The following CABCOCO1 variants were observed in gnomAD, a reference collection of about 807,000 sequenced individuals.
CABCOCO1 encodes ciliary associated calcium binding coiled-coil 1, also known as ciliary-associated calcium-binding coiled-coil protein 1.
A neutral mutation model predicts 35.7 loss-of-function variants in CABCOCO1; 28 were observed. The observed-to-expected ratio is 0.78, with a 90% CI of 0.58 to 1.07. CABCOCO1 has a LOEUF of 1.07. CABCOCO1 is among the 50% of genes least tolerant of loss of function. The pLI is 0.00. For missense variants in CABCOCO1, 326 were observed against 309.2 expected (o/e 1.05, Z -0.41); for synonymous variants, 95 against 100.1 (o/e 0.95, Z 0.30).
chr10:61,714,169 T>C (rs1175871811), intron 5 of CABCOCO1, among the ~76,000 whole-genome samples: 2 of 152,226 alleles, frequency 1.3e-5, no homozygotes, highest in African/African-American at 2.4e-5. Flanking sequence ...AGGCTACTAA[T>C]TATTGCCTCA....
At chr10:61,665,246 T>C (rs564550879) in intron 1 of CABCOCO1, among the ~76,000 whole-genome samples, 1 of 152,332 alleles carries the variant, frequency 6.6e-6, no homozygotes, top group South Asian at 2.1e-4. Flanking sequence ...ATCTACTCTA[T>C]GAATTACTCT....
intron 5 of CABCOCO1, among the ~76,000 whole-genome samples, chr10:61,706,835 G>C (rs1453495848): frequency 6.6e-6 from 1 of 151,996 alleles, no homozygotes; most frequent in African/African-American, 2.4e-5. Context: ...TATAGTTTCT[G>C]TCCTGTCTAT....
chr10:61,727,137 C>T (rs1431065308), intron 5 of CABCOCO1, among the ~76,000 whole-genome samples: 1 of 152,080 alleles, frequency 6.6e-6, no homozygotes, highest in East Asian at 1.9e-4. Context: ...AGATTATAAA[C>T]TTCTTGAAGG....
chr10:61,748,079 A>G (rs1273416991), intron 5 of CABCOCO1, among the ~76,000 whole-genome samples: 1 of 152,142 alleles, frequency 6.6e-6, no homozygotes, highest in Non-Finnish European at 1.5e-5. Flanking sequence ...GGAAAAGCCA[A>G]GGAGCAGGAC....
intron 5 of CABCOCO1, among the ~76,000 whole-genome samples, chr10:61,700,094 C>T: frequency 6.6e-6 from 1 of 152,062 alleles, no homozygotes. Flanking sequence ...TGGAATAACA[C>T]ATGTCTATAT....
chr10:61,735,379 A>G (rs1841393321), intron 5 of CABCOCO1, among the ~76,000 whole-genome samples: 2 of 152,074 alleles, frequency 1.3e-5, no homozygotes, highest in Non-Finnish European at 2.9e-5. Context: ...GAAATCAACT[A>G]AGAAGAGGTA....
chr10:61,705,726 A>T (rs1190958502), intron 5 of CABCOCO1, among the ~76,000 whole-genome samples: 3 of 152,248 alleles, frequency 2.0e-5, no homozygotes, highest in Non-Finnish European at 4.4e-5. Context: ...CTAGGCAAAC[A>T]TGTAGTGCAA....
chr10:61,665,658 C>A (rs1052927256), intron 1 of CABCOCO1, among the ~76,000 whole-genome samples: 36 of 151,948 alleles, frequency 2.4e-4, no homozygotes, highest in African/African-American at 8.2e-4. Context: ...GAGGCCGAGG[C>A]GGGCGGATCA....
chr10:61,667,146 A>G (rs10994866), intron 1 of CABCOCO1, among the ~76,000 whole-genome samples: 21,226 of 144,582 alleles, frequency 0.15, 2,433 homozygotes, highest in East Asian at 0.59. Flanking sequence ...ATATGTATAT[A>G]TAAATATAAT....
In CABCOCO1 at chr10:61,686,057, A is replaced by G; in HGVS notation, c.351A>G (p.Leu117=). 1 of 1,604,642 alleles carries G rather than the reference A, an allele frequency of 6.2e-7. No homozygotes were observed. The highest frequency in any genetic ancestry group is 8.5e-7 in the Non-Finnish European group (1 of 1,177,546). Reference sequence around the variant, plus strand: ...TTATTTCAGCACTACATATGTCCTTAGAGGAAAGCATAAAATGGCTTGGAG... The same window carrying G: ...TTATTTCAGCACTACATATGTCCTTGGAGGAAAGCATAAAATGGCTTGGAG... ...LQNLKTLHMS[L]EESIKWLGEV... Residue 117 remains leucine (L), a synonymous_variant, in exon 4 of 8, where the codon TTA becomes TTG. Coordinates refer to ENST00000648843, the MANE Select transcript of CABCOCO1 (RefSeq NM_001366906.2).
At chr10:61,674,679 G>A (rs1428762829) in intron 2 of CABCOCO1, among the ~76,000 whole-genome samples, 1 of 152,090 alleles carries the variant, frequency 6.6e-6, no homozygotes, top group Non-Finnish European at 1.5e-5. Flanking sequence ...GAAGAAATCA[G>A]CACATTTCCC....
At chr10:61,731,519 C>T (rs1208530441) in intron 5 of CABCOCO1, among the ~76,000 whole-genome samples, 1 of 151,808 alleles carries the variant, frequency 6.6e-6, no homozygotes, top group East Asian at 1.9e-4. Context: ...CATATTTCAC[C>T]TTCTCATTTT....
chr10:61,761,591 T>C (rs1456567707), intron 7 of CABCOCO1, among the ~76,000 whole-genome samples: 1 of 152,138 alleles, frequency 6.6e-6, no homozygotes, highest in Non-Finnish European at 1.5e-5. Flanking sequence ...CAAACAGCCA[T>C]TTCTACCTCA....
intron 3 of CABCOCO1, among the ~76,000 whole-genome samples, chr10:61,682,889 C>CTTTTTTTCTT (rs1554821785): frequency 7.8e-6 from 1 of 128,182 alleles, no homozygotes; most frequent in Non-Finnish European, 1.6e-5. Context: ...ACATGAATTT[C>CTTTTTTTCTT]TTTTTTTTTT....
chr10:61,702,689 T>C (rs751483068), intron 5 of CABCOCO1, among the ~76,000 whole-genome samples: 2 of 152,138 alleles, frequency 1.3e-5, no homozygotes, highest in African/African-American at 2.4e-5. Context: ...TCAAGTTGGC[T>C]TATGAGGCCA....
At chr10:61,745,866 G>C (rs539175534) in intron 5 of CABCOCO1, among the ~76,000 whole-genome samples, 1 of 152,216 alleles carries the variant, frequency 6.6e-6, no homozygotes, top group Admixed American at 6.5e-5. Flanking sequence ...TGTAACAGTT[G>C]GGTTGACCTA....
At chr10:61,731,147 TAAG>T (rs1255338877) in intron 5 of CABCOCO1, among the ~76,000 whole-genome samples, 5 of 151,176 alleles carry the variant, frequency 3.3e-5, no homozygotes, top group Non-Finnish European at 5.9e-5. Flanking sequence ...TCATTGTACT[TAAG>T]AAATGCACAT....
At chr10:61,707,061 G>C (rs1189512118) in intron 5 of CABCOCO1, among the ~76,000 whole-genome samples, 1 of 152,250 alleles carries the variant, frequency 6.6e-6, no homozygotes, top group South Asian at 2.1e-4. Flanking sequence ...GATACCAGGA[G>C]TGGCCTCAGG....
At chr10:61,701,266 T>G (rs1049740385) in intron 5 of CABCOCO1, among the ~76,000 whole-genome samples, 1 of 152,196 alleles carries the variant, frequency 6.6e-6, no homozygotes, top group Admixed American at 6.6e-5. Context: ...TCAGCATTAT[T>G]TCTTTTTTCC....
Sources: gnomAD v4.1 joint callset for allele counts (sites outside exome capture counted in the v4.1 genomes callset) on GRCh38, gnomAD v4.1.1 for gene constraint, MANE v1.5 for transcripts, NCBI Gene and HGNC (gene_info 2026-07-23, HGNC 2026-07-21) for gene names.